The following HMCN1 variants were observed in gnomAD, a reference collection of about 807,000 sequenced individuals.
HMCN1 encodes hemicentin 1.
HMCN1 carries 321 observed loss-of-function variants against 625.9 expected under a neutral mutation model. The observed-to-expected ratio is 0.51, with a 90% CI of 0.47 to 0.56. The LOEUF is 0.56. HMCN1 is among the 20% of genes least tolerant of loss of function. The pLI is 0.00. For synonymous variants in HMCN1, 2,425 were observed against 2,417.6 expected (o/e 1.00, Z -0.09); for missense variants, 6,588 against 6,887.3 (o/e 0.96, Z 1.54).
chr1:186,187,604 C>G (rs1653417703), intron 105 of HMCN1, among the ~76,000 whole-genome samples: 1 of 152,162 alleles, frequency 6.6e-6, no homozygotes, highest in Non-Finnish European at 1.5e-5. Context: ...ATATAAAAAG[C>G]ACCAGAGAGC....
chr1:186,088,643 A>C lies in HMCN1; in HGVS notation c.9615A>C (p.Gly3205=). The change falls in exon 63 of 107, where the codon GGA becomes GGC. Residue 3205 remains glycine (G), a synonymous_variant. Coordinates refer to ENST00000271588, the MANE Select transcript of HMCN1 (RefSeq NM_031935.3). ...SDSLEVRILS[G]GSKLQIARSQ... is the part of the protein sequence containing the mutation. The stretch of plus-strand genomic sequence containing the variant: ...CACTGGAAGTTCGTATTTTGTCTGG[A>C]GGTAGCAAACTCCAGATTGCCCGGT... 1 of 1,612,018 alleles carries C rather than the reference A, an allele frequency of 6.2e-7. No homozygotes were observed. The highest frequency in any genetic ancestry group is 8.5e-7 in the Non-Finnish European group (1 of 1,178,820).
Position 185,923,471 on chromosome 1 carries a change from C to T in HMCN1, c.1103C>T (p.Ser368Leu), listed in dbSNP as rs1667100103. The change falls in exon 8 of 107, where the codon TCA becomes TTA. Residue 368 changes from serine to leucine, a missense_variant. Ser to Leu is a moderately radical substitution (Grantham distance 145, BLOSUM62 -2). This residue lies in a region of HMCN1 where 4,628 missense variants were observed against 4,853.1 expected (regional missense o/e 0.95). Transcript: ENST00000271588. ...RIDLLELLSI[S>L]GSSLKTIPVK... The stretch of plus-strand genomic sequence containing the variant: ...GATCTTCTTGAACTTTTGAGTATCT[C>T]AGGAAGTTCTCTTAAGACTATTCCT... 1 of 1,610,180 alleles carries T rather than the reference C, an allele frequency of 6.2e-7. No homozygotes were observed. The highest frequency in any genetic ancestry group is 8.5e-7 in the Non-Finnish European group (1 of 1,176,770).
chr1:185,757,438 GCA>G (rs1430486906), intron 1 of HMCN1, among the ~76,000 whole-genome samples: 1 of 151,976 alleles, frequency 6.6e-6, no homozygotes, highest in Non-Finnish European at 1.5e-5. Context: ...TCAAGACCTT[GCA>G]CTTGGCTTTA....
intron 11 of HMCN1, among the ~76,000 whole-genome samples, chr1:185,950,173 G>A (rs867206000): frequency 3.9e-4 from 59 of 151,184 alleles, no homozygotes; most frequent in Non-Finnish European, 7.1e-4. Context: ...GTGGGAGGCC[G>A]GATTGAAGTC....
intron 11 of HMCN1, among the ~76,000 whole-genome samples, chr1:185,960,346 C>G (rs1649928045): frequency 6.6e-6 from 1 of 152,034 alleles, no homozygotes; most frequent in Non-Finnish European, 1.5e-5. Flanking sequence ...TCAGGATGGT[C>G]TCAAACTCCC....
At chr1:185,778,758 G>T (rs1656815744) in intron 1 of HMCN1, among the ~76,000 whole-genome samples, 1 of 152,000 alleles carries the variant, frequency 6.6e-6, no homozygotes, top group Non-Finnish European at 1.5e-5. Flanking sequence ...ATGGACATTT[G>T]GGTTGGTTCC....
intron 1 of HMCN1, among the ~76,000 whole-genome samples, chr1:185,816,605 A>C (rs913921197): frequency 1.5e-4 from 23 of 152,202 alleles, no homozygotes; most frequent in African/African-American, 4.1e-4. Flanking sequence ...GCAGCTTGGA[A>C]CATAACATGG....
chr1:185,855,191 C>G (rs1195555676), intron 2 of HMCN1, among the ~76,000 whole-genome samples: 1 of 152,122 alleles, frequency 6.6e-6, no homozygotes, highest in African/African-American at 2.4e-5. Context: ...GGCTCTTGCT[C>G]CCTAAGCAAA....
At chr1:186,160,030 G>T (rs535714106) in intron 97 of HMCN1, among the ~76,000 whole-genome samples, 1 of 150,944 alleles carries the variant, frequency 6.6e-6, no homozygotes, top group African/African-American at 2.4e-5. Context: ...GGTAGAATTC[G>T]GCTGTGAATC....
In HMCN1 at chr1:186,087,253, C is replaced by T. The variant is rs767246263; in HGVS notation, c.9083C>T (p.Ser3028Leu). ...CTACAGATTATTCGGGCCAAGGTAT[C>T]AGATGGTGGTGAATACACTTGTATA... Reference protein sequence around the residue: ...RTLQIIRAKVSDGGEYTCIAI... With the variant: ...RTLQIIRAKVLDGGEYTCIAI... Residue 3028 changes from serine (S) to leucine (L), a missense_variant, in exon 59 of 107, where the codon TCA becomes TTA. Ser to Leu is a moderately radical substitution (Grantham distance 145, BLOSUM62 -2). Transcript: ENST00000271588. 10 of 1,613,116 alleles carry T rather than the reference C, an allele frequency of 6.2e-6. No individual in the cohort carries two copies. The South Asian group carries it at 1.1e-4, about 18-fold the overall frequency.
Position 185,980,841 on chromosome 1 carries a change from G to C in HMCN1, c.2567-137G>C, listed in dbSNP as rs1368295708. 5.4e-6 allele frequency: 4 copies of C among 738,760 alleles called. No homozygotes were observed. In the African/African-American group the frequency reaches 6.9e-5, roughly 13 times the overall value. The allele number at this position is 738,760 out of a possible 1,614,324, so 45.8% of individuals were successfully genotyped here. On this transcript the variant is annotated intron_variant, in intron 16 of 106. Transcript: ENST00000271588. ...AGCACTTATTTCACTGTGGTGTGAT[G>C]GCTGGTTTCTGTGTATGTCCCTTCT...
intron 1 of HMCN1, among the ~76,000 whole-genome samples, chr1:185,763,899 A>G (rs78256598): frequency 0.039 from 5,874 of 152,264 alleles, 331 homozygotes; most frequent in African/African-American, 0.13. Flanking sequence ...AAATAAGACA[A>G]TCTCACATCA....
intron 6 of HMCN1, among the ~76,000 whole-genome samples, chr1:185,914,149 C>A (rs1469652198): frequency 2.0e-5 from 3 of 152,056 alleles, no homozygotes; most frequent in African/African-American, 7.2e-5. Context: ...AAATAACAAA[C>A]TTATTTTGCT....
At chr1:186,136,482 C>T (rs1241205459) in intron 86 of HMCN1, among the ~76,000 whole-genome samples, 186 bp from the exon 87 acceptor site, 6 of 151,876 alleles carry the variant, frequency 4.0e-5, no homozygotes, top group African/African-American at 1.5e-4. Context: ...TTGACATTTA[C>T]TAAATAAAAA....
intron 1 of HMCN1, among the ~76,000 whole-genome samples, chr1:185,824,459 T>C (rs1660386883): frequency 6.6e-6 from 1 of 152,170 alleles, no homozygotes; most frequent in Non-Finnish European, 1.5e-5. Flanking sequence ...TGTGTAACCC[T>C]GTAAATATAC....
chr1:185,795,705 A>G (rs1658325232), intron 1 of HMCN1, among the ~76,000 whole-genome samples: 1 of 152,222 alleles, frequency 6.6e-6, no homozygotes, highest in Admixed American at 6.5e-5. Context: ...AGAAAGCAGC[A>G]GGTTAAAGAA....
At chr1:185,772,804 G>A (rs1237193896) in intron 1 of HMCN1, among the ~76,000 whole-genome samples, 1 of 152,092 alleles carries the variant, frequency 6.6e-6, no homozygotes, top group Non-Finnish European at 1.5e-5. Context: ...CAAGGTCAAG[G>A]TGTTGGCATC....
intron 1 of HMCN1, among the ~76,000 whole-genome samples, chr1:185,839,690 T>C (rs1186207569): frequency 6.6e-6 from 1 of 152,100 alleles, no homozygotes; most frequent in Non-Finnish European, 1.5e-5. Flanking sequence ...TATTAAGGAG[T>C]TCTTCTTTGC....
At chr1:185,958,810 G>A (rs944496330) in intron 11 of HMCN1, among the ~76,000 whole-genome samples, 1 of 152,146 alleles carries the variant, frequency 6.6e-6, no homozygotes, top group Non-Finnish European at 1.5e-5. Flanking sequence ...TAGTTTATTT[G>A]TAAAATGGCA....
Sources: allele counts gnomAD v4.1 joint callset (sites outside exome capture counted in the v4.1 genomes callset), GRCh38; gene constraint gnomAD v4.1.1; regional missense constraint gnomAD v4.1.1; transcripts MANE v1.5; gene names NCBI Gene and HGNC (gene_info 2026-07-23, HGNC 2026-07-21).